The following EPSTI1 variants were observed in gnomAD, a reference collection of about 807,000 sequenced individuals.
EPSTI1 encodes epithelial stromal interaction 1.
A neutral mutation model predicts 49.9 loss-of-function variants in EPSTI1; 66 were observed. That is an observed-to-expected ratio of 1.32 (90% CI 1.08 to 1.62). EPSTI1 has a LOEUF of 1.62. EPSTI1 is among the 40% of genes most tolerant of loss of function. The pLI is 0.00. For missense variants in EPSTI1, 394 were observed against 365.5 expected, an observed-to-expected ratio of 1.08 and a Z score of -0.64; for synonymous variants, 137 against 130.7, an observed-to-expected ratio of 1.05 and a Z score of -0.33.
intron 8 of EPSTI1, among the ~76,000 whole-genome samples, chr13:42,906,094 A>T (rs575131113): frequency 1.2e-4 from 18 of 152,240 alleles, no homozygotes; most frequent in Non-Finnish European, 1.2e-4. Context: ...CACCCGATGC[A>T]GTGCTCACCC....
At position 42,917,642 on chromosome 13, in the gene EPSTI1, G is replaced by GAAAAAA. The variant is rs71202243; in HGVS notation, c.658-24_658-19dup. The GAAAAAA allele has an allele frequency of 1.7e-3, 715 of 426,246 alleles. No homozygotes were observed. The highest frequency in any genetic ancestry group is 2.1e-3 in the East Asian group (46 of 21,570). 26.4% of individuals were successfully genotyped at this position (426,246 alleles called of 1,614,324 possible). ...CTTCTGGCCTGTAAAGGTACAAAGAGAAAAAAAAAAAAAAAAACAACTTGA... is the reference window on the plus strand; with the variant it reads ...CTTCTGGCCTGTAAAGGTACAAAGAGAAAAAAAAAAAAAAAAAAAAAAACAACTTGA... On this transcript the variant is annotated intron_variant, in intron 7 of 10. Coordinates refer to ENST00000313624, the MANE Select transcript of EPSTI1 (RefSeq NM_033255.5).
intron 6 of EPSTI1, among the ~76,000 whole-genome samples, chr13:42,944,142 C>A (rs1432432813): frequency 3.3e-5 from 5 of 152,152 alleles, no homozygotes; most frequent in Non-Finnish European, 7.3e-5. Context: ...ACAGCAATAT[C>A]ATTTGACCCA....
rs571863943 is a variant in EPSTI1 at position 42,947,162 on chromosome 13, T to C, written c.563+6786A>G. ...ACACAATGTTGTATTACTCAAGAGG[T>C]GGTTTGGCCAGTCCCCACTAAAAAC... is the stretch of plus-strand genomic sequence containing the variant. On this transcript the variant is annotated intron_variant, in intron 6 of 10. Transcript: ENST00000313624. Among the ~76,000 whole-genome samples, 4 of 152,220 alleles carry C rather than the reference T, an allele frequency of 2.6e-5. No individual in the cohort carries two copies. In the South Asian group the frequency reaches 8.3e-4, roughly 32 times the overall value.
chr13:42,924,890 C>T (rs2153421171), intron 7 of EPSTI1, among the ~76,000 whole-genome samples: 1 of 152,274 alleles, frequency 6.6e-6, no homozygotes, highest in East Asian at 1.9e-4. Context: ...AACATGGTCT[C>T]TATTGAGAAA....
At chr13:42,893,344 T>C (rs892420406) in intron 10 of EPSTI1, among the ~76,000 whole-genome samples, 1 of 152,144 alleles carries the variant, frequency 6.6e-6, no homozygotes, top group African/African-American at 2.4e-5. Context: ...GAGAAGAAGA[T>C]AAATCATAAA....
At chr13:42,991,774 T>A (rs1390448564) in intron 1 of EPSTI1, among the ~76,000 whole-genome samples, 1 of 152,226 alleles carries the variant, frequency 6.6e-6, no homozygotes. Flanking sequence ...CCGGGCTGGT[T>A]ATTTACCAAA....
chr13:42,970,772 T>G, intron 1 of EPSTI1, 102 bp from the exon 2 acceptor site: 89 of 772,998 alleles, frequency 1.2e-4, no homozygotes, highest in Non-Finnish European at 1.5e-4. Flanking sequence ...TTATGATCAT[T>G]ACCATCAAAT....
chr13:42,940,584 G>T (rs1040131946), intron 6 of EPSTI1, among the ~76,000 whole-genome samples: 17 of 152,126 alleles, frequency 1.1e-4, no homozygotes, highest in African/African-American at 4.1e-4. Context: ...TCTGTTTGGG[G>T]TTTTTAAGAG....
chr13:42,898,223 C>T (rs368967885), intron 9 of EPSTI1, among the ~76,000 whole-genome samples: 11 of 152,204 alleles, frequency 7.2e-5, no homozygotes, highest in African/African-American at 1.7e-4. Context: ...GTAGAAAGCA[C>T]GTTGTCCTTT....
chr13:42,968,919 A>ATACAC (rs1555268585), intron 3 of EPSTI1, among the ~76,000 whole-genome samples, 175 bp downstream of exon 3: 1 of 54,414 alleles, frequency 1.8e-5, no homozygotes, highest in African/African-American at 6.5e-5. Context: ...AAAAAAAAAA[A>ATACAC]ATACACACAC....
In EPSTI1 at chr13:42,898,518, C is replaced by T. The variant is rs114620134; in HGVS notation, c.815+1792G>A. 3.3e-3 allele frequency among the ~76,000 whole-genome samples: 497 copies of T among 152,218 alleles called. 4 individuals are homozygous for T. The highest frequency in any genetic ancestry group is 0.011 in the African/African-American group (473 of 41,522). On this transcript the variant is annotated intron_variant, in intron 9 of 10. Transcript: ENST00000313624. ...TACTGAGTTTATTATCTAGAAAAAT[C>T]TCTTCTTGGATTAAATTTGGAGCTA...
chr13:42,941,306 G>A (rs1052546125), intron 6 of EPSTI1, among the ~76,000 whole-genome samples: 2 of 152,070 alleles, frequency 1.3e-5, no homozygotes, highest in African/African-American at 4.8e-5. Flanking sequence ...ATTCTCTATA[G>A]CATTCAATAA....
intron 8 of EPSTI1, among the ~76,000 whole-genome samples, chr13:42,910,028 T>C (rs74060236): frequency 0.011 from 1,630 of 152,278 alleles, 28 homozygotes; most frequent in African/African-American, 0.038. Context: ...ACAATGTTTA[T>C]ATACTTCAAA....
At chr13:42,911,300 C>T (rs1413034316) in intron 8 of EPSTI1, among the ~76,000 whole-genome samples, 1 of 116,136 alleles carries the variant, frequency 8.6e-6, no homozygotes, top group Non-Finnish European at 2.1e-5. Flanking sequence ...TGAGTGTGCA[C>T]ATGCTTCCTT....
chr13:42,974,530 G>A (rs2039839808), intron 1 of EPSTI1, among the ~76,000 whole-genome samples: 1 of 151,672 alleles, frequency 6.6e-6, no homozygotes, highest in Non-Finnish European at 1.5e-5. Context: ...GTGGTGGTGG[G>A]CGCCTATAGT....
chr13:42,963,806 T>G (rs1442381813), intron 4 of EPSTI1, among the ~76,000 whole-genome samples: 1 of 152,200 alleles, frequency 6.6e-6, no homozygotes, highest in Admixed American at 6.5e-5. Context: ...AAACTATAGT[T>G]AAACATAGTT....
Position 42,888,369 on chromosome 13 carries a change from C to T in EPSTI1, c.*125G>A. 6.2e-7 allele frequency: 1 copy of T among 1,614,076 alleles called. No individual in the cohort carries two copies. The highest frequency in any genetic ancestry group is 8.5e-7 in the Non-Finnish European group (1 of 1,180,012). ...AGCCAGTCACTCCTGACTGCACGGT[C>T]AAGTGTGTGGGCAGTTGAAATTAAG... On this transcript the variant is annotated 3_prime_UTR_variant, in exon 11 of 11. Coordinates refer to ENST00000313624, the MANE Select transcript of EPSTI1 (RefSeq NM_033255.5).
intron 1 of EPSTI1, among the ~76,000 whole-genome samples, chr13:42,982,953 A>G (rs998268616): frequency 6.6e-6 from 1 of 152,178 alleles, no homozygotes; most frequent in South Asian, 2.1e-4. Flanking sequence ...ATGTCATTAG[A>G]CCATACTCCT....
chr13:42,972,048 A>G (rs9567078), intron 1 of EPSTI1, among the ~76,000 whole-genome samples: 95,071 of 152,090 alleles, frequency 0.63, 29,887 homozygotes, highest in Middle Eastern at 0.83. Context: ...CTTGGAAGCT[A>G]CAATCCCGTG....
Sources: allele counts gnomAD v4.1 joint callset (sites outside exome capture counted in the v4.1 genomes callset), GRCh38; gene constraint gnomAD v4.1.1; transcripts MANE v1.5; gene names NCBI Gene and HGNC (gene_info 2026-07-23, HGNC 2026-07-21).